SLMAP: variants seen among roughly 807,000 people sequenced by gnomAD.
SLMAP encodes the protein sarcolemmal membrane-associated protein.
SLMAP carries 44 observed loss-of-function variants against 128.8 expected under a neutral mutation model. That is an observed-to-expected ratio of 0.34 (90% CI 0.27 to 0.44). The LOEUF (loss-of-function observed/expected upper bound fraction) is 0.44. Among genes scored for constraint, SLMAP ranks in the 20% least tolerant of loss-of-function variants. SLMAP has a pLI of 1.00. For missense variants in SLMAP, 787 were observed against 985.3 expected, an observed-to-expected ratio of 0.80 and a Z score of 2.69; for synonymous variants, 327 against 348.8, an observed-to-expected ratio of 0.94 and a Z score of 0.70.
chr3:57,923,289 G>C (rs1383641471), intron 23 of SLMAP, among the ~76,000 whole-genome samples: 1 of 152,212 alleles, frequency 6.6e-6, no homozygotes, highest in Admixed American at 6.5e-5. Flanking sequence ...AGAACTGTCA[G>C]CTTTTCCCAG....
At chr3:57,847,084 A>G in intron 4 of SLMAP, 113 bp from the exon 5 acceptor site, 1 of 680,298 alleles carries the variant, frequency 1.5e-6, no homozygotes, top group East Asian at 2.6e-5. Context: ...CCTTTTTTTA[A>G]TTACATGAAG....
chr3:57,838,607 G>A (rs185871512), intron 3 of SLMAP, among the ~76,000 whole-genome samples: 1 of 151,930 alleles, frequency 6.6e-6, no homozygotes, highest in East Asian at 2.0e-4. Context: ...AATGCAATGT[G>A]CTTAATGTTT....
Position 57,817,338 on chromosome 3 carries a change from C to T in SLMAP, c.199-14045C>T, listed in dbSNP as rs552617875. 2.0e-5 allele frequency among the ~76,000 whole-genome samples: 3 copies of T among 152,212 alleles called. No homozygotes were observed. The East Asian group carries it at 5.8e-4, about 29-fold the overall frequency. ...TGATAGTATTATTACCGTTATTATG[C>T]ACTTACTGTAAGTGATTTCTGATGG... On this transcript the variant is annotated intron_variant, in intron 2 of 24. Coordinates refer to ENST00000671191, the MANE Select transcript of SLMAP (RefSeq NM_001377540.1).
At chr3:57,795,576 G>A (rs1450313278) in intron 2 of SLMAP, among the ~76,000 whole-genome samples, 2 of 151,986 alleles carry the variant, frequency 1.3e-5, no homozygotes, top group African/African-American at 4.8e-5. Flanking sequence ...TGGATTATCA[G>A]TTGTATATTC....
intron 14 of SLMAP, among the ~76,000 whole-genome samples, chr3:57,873,648 A>G (rs2095535354): frequency 6.6e-6 from 1 of 152,202 alleles, no homozygotes; most frequent in Non-Finnish European, 1.5e-5. Context: ...ATTGGTGTCC[A>G]CTGATACCAA....
At chr3:57,873,771 T>A (rs1313781594) in intron 14 of SLMAP, among the ~76,000 whole-genome samples, 1 of 152,068 alleles carries the variant, frequency 6.6e-6, no homozygotes, top group African/African-American at 2.4e-5. Flanking sequence ...GGCCAGGAGA[T>A]CAAGACCAGC....
intron 12 of SLMAP, 116 bp downstream of exon 12, chr3:57,864,973 A>G: frequency 1.2e-6 from 1 of 808,482 alleles, no homozygotes; most frequent in Non-Finnish European, 1.9e-6. Flanking sequence ...GGTATAAAGT[A>G]TCTATATTCT....
chr3:57,891,128 A>G (rs1575808051), intron 15 of SLMAP: 2 of 152,232 alleles, frequency 1.3e-5, no homozygotes, highest in South Asian at 2.1e-4. Flanking sequence ...CAGACCTTAA[A>G]ATAGCTTTTA....
chr3:57,786,229 G>A (rs1203676402), intron 2 of SLMAP, among the ~76,000 whole-genome samples: 1 of 152,162 alleles, frequency 6.6e-6, no homozygotes, highest in Non-Finnish European at 1.5e-5. Flanking sequence ...ACATGTTTAG[G>A]TAGATGGCAG....
At chr3:57,795,096 T>C (rs982991904) in intron 2 of SLMAP, among the ~76,000 whole-genome samples, 1 of 152,104 alleles carries the variant, frequency 6.6e-6, no homozygotes, top group African/African-American at 2.4e-5. Flanking sequence ...AGCCATCAGG[T>C]GGGTAGGAAA....
At chr3:57,893,217 A>G (rs1443798785) in intron 15 of SLMAP, among the ~76,000 whole-genome samples, 1 of 152,044 alleles carries the variant, frequency 6.6e-6, no homozygotes, top group Non-Finnish European at 1.5e-5. Flanking sequence ...ATAGCAGTTA[A>G]TGAAACAGAC....
intron 2 of SLMAP, among the ~76,000 whole-genome samples, chr3:57,777,877 T>C (rs547448896): frequency 1.3e-5 from 2 of 152,352 alleles, no homozygotes; most frequent in African/African-American, 4.8e-5. Context: ...AGTGATACCG[T>C]AGAGCAGTAG....
chr3:57,826,895 ATGCAGGTCTTGTGGCTTTTGGTGG>A (rs2092964479), intron 2 of SLMAP, among the ~76,000 whole-genome samples: 1 of 152,088 alleles, frequency 6.6e-6, no homozygotes, highest in African/African-American at 2.4e-5. Context: ...TGCTGATTCC[ATGCAGGTCTTGTGGCTTTTGGTGG>A]TCTTCCCCAC....
chr3:57,927,790 ACATACATGG>A lies in SLMAP; in HGVS notation c.*502_*510del, dbSNP rs2097032292. The A allele has an allele frequency of 6.5e-6, 1 of 153,302 alleles. No homozygotes were observed. Among genetic ancestry groups the A allele is most frequent in the Non-Finnish European group, 1.5e-5 (1 of 68,528 alleles). The allele number at this position is 153,302 out of a possible 1,614,324, so 9.5% of individuals were successfully genotyped here. On this transcript the variant is annotated 3_prime_UTR_variant, in exon 25 of 25. Coordinates refer to ENST00000671191, the MANE Select transcript of SLMAP (RefSeq NM_001377540.1). ...TAACTACCCAAACCAAACAACCAATACATACATGGGAAGAGAGGCCCTGTGTGCTCAGTG... is the reference window on the plus strand; with the variant it reads ...TAACTACCCAAACCAAACAACCAATAGAAGAGAGGCCCTGTGTGCTCAGTG...
At chr3:57,815,324 A>G (rs963093344) in intron 2 of SLMAP, among the ~76,000 whole-genome samples, 3 of 152,082 alleles carry the variant, frequency 2.0e-5, no homozygotes, top group African/African-American at 7.2e-5. Flanking sequence ...ACCAATACCA[A>G]CTATGGATAA....
chr3:57,925,144 AG>A (rs1392424120), intron 23 of SLMAP, among the ~76,000 whole-genome samples: 4 of 151,590 alleles, frequency 2.6e-5, no homozygotes, highest in African/African-American at 9.7e-5. Flanking sequence ...TTGTAGGGAC[AG>A]GGTTTTGCCA....
At chr3:57,902,541 G>A (rs1313264706) in intron 17 of SLMAP, among the ~76,000 whole-genome samples, 2 of 152,142 alleles carry the variant, frequency 1.3e-5, no homozygotes, top group Non-Finnish European at 2.9e-5. Context: ...GAGGCTACAG[G>A]TAAGGCAGTC....
At chr3:57,839,434 A>ATTTTTTTTT (rs1189313640) in intron 3 of SLMAP, among the ~76,000 whole-genome samples, 10 of 82,866 alleles carry the variant, frequency 1.2e-4, no homozygotes, top group African/African-American at 2.6e-4. Flanking sequence ...CATTAGCTCT[A>ATTTTTTTTT]TTTTTTTTTT....
chr3:57,928,152 C>G lies in SLMAP; in HGVS notation c.*863C>G, dbSNP rs749384632. On this transcript the variant is annotated 3_prime_UTR_variant, in exon 25 of 25. Transcript: ENST00000671191. ...AGTAATTACACAATTTCAGTGCAGT[C>G]AACCAAAATGTTGAGTCAATTGGAA... The G allele has an allele frequency of 6.6e-6, 1 of 152,446 alleles. No homozygotes were observed. Among genetic ancestry groups the G allele is most frequent in the Non-Finnish European group, 1.5e-5 (1 of 67,992 alleles). 9.4% of individuals were successfully genotyped at this position (152,446 alleles called of 1,614,324 possible). A position where few individuals can be genotyped will look rare whatever the true frequency, so the allele number is the denominator to read the frequency against.
Sources: allele counts gnomAD v4.1 joint callset (sites outside exome capture counted in the v4.1 genomes callset), GRCh38; gene constraint gnomAD v4.1.1; transcripts MANE v1.5; gene names NCBI Gene and HGNC (gene_info 2026-07-23, HGNC 2026-07-21).